The following MSRA variants were observed in gnomAD, a reference collection of about 807,000 sequenced individuals.
MSRA encodes the protein methionine sulfoxide reductase A, also known as mitochondrial peptide methionine sulfoxide reductase.
In MSRA, 54 loss-of-function variants were observed where a neutral mutation model predicts 31.3. The observed-to-expected ratio is 1.73, with a 90% confidence interval of 1.39 to 2.17. The LOEUF (loss-of-function observed/expected upper bound fraction) is 2.17, where lower values mean the gene tolerates loss of function less well. Ranked by LOEUF, MSRA falls within the 30% of genes most tolerant of loss-of-function variation. The probability of loss-of-function intolerance (pLI) is 0.00; values close to 1 mark genes in which losing one functional copy is unlikely to be tolerated. For missense variants in MSRA, 507 were observed against 300.9 expected, an observed-to-expected ratio of 1.69 and a Z score of -5.07; for synonymous variants, 169 against 116.5, an observed-to-expected ratio of 1.45 and a Z score of -2.90.
rs188881344 is a variant in MSRA at position 10,109,611 on chromosome 8, G to C, written c.142+54953G>C. On this transcript the variant is annotated intron_variant, in intron 1 of 5. Transcript: ENST00000317173. ...CCCATCTTGGCCTCCCAAAGTGCTG[G>C]AATTATAGGTGTACGCCACTGTGCC... Among the ~76,000 whole-genome samples the C allele has an allele frequency of 3.2e-3, 483 of 152,252 alleles. 1 individual carries two copies. Among genetic ancestry groups the C allele is most frequent in the Non-Finnish European group, 5.3e-3 (358 of 68,000 alleles).
chr8:10,280,324 T>G (rs1028378490), intron 3 of MSRA, among the ~76,000 whole-genome samples: 3 of 151,594 alleles, frequency 2.0e-5, no homozygotes, highest in Non-Finnish European at 2.9e-5. Flanking sequence ...TCTTTTTAAC[T>G]TATTTTGTTG....
chr8:10,372,036 A>G (rs1031370978), intron 5 of MSRA, among the ~76,000 whole-genome samples: 3 of 152,246 alleles, frequency 2.0e-5, no homozygotes, highest in Non-Finnish European at 2.9e-5. Context: ...TTGATGCCAT[A>G]TAATCTTAAG....
Position 10,428,463 on chromosome 8 carries a change from G to T in MSRA, c.*151G>T. 1 of 783,244 alleles carries T rather than the reference G, an allele frequency of 1.3e-6. No individual in the cohort carries two copies. Among genetic ancestry groups the T allele is most frequent in the South Asian group, 1.7e-5 (1 of 58,358 alleles). The allele number at this position is 783,244 out of a possible 1,614,324, so 48.5% of individuals were successfully genotyped here. On this transcript the variant is annotated 3_prime_UTR_variant, in exon 6 of 6. Coordinates refer to ENST00000317173, the MANE Select transcript of MSRA (RefSeq NM_012331.5). The stretch of plus-strand genomic sequence containing the variant: ...GGGTTTACCGAAGTATAATCTATAG[G>T]AGGCGCGATGGCAAGTTGATAAAAT...
chr8:10,347,012 A>G (rs1266521533), intron 5 of MSRA, among the ~76,000 whole-genome samples: 1 of 152,082 alleles, frequency 6.6e-6, no homozygotes, highest in Non-Finnish European at 1.5e-5. Flanking sequence ...GTCCTCACAG[A>G]CCCTCTTTCC....
At chr8:10,146,746 A>G (rs528675408) in intron 1 of MSRA, among the ~76,000 whole-genome samples, 1 of 152,256 alleles carries the variant, frequency 6.6e-6, no homozygotes, top group South Asian at 2.1e-4. Flanking sequence ...ATGAAATCAC[A>G]CTTTCTGGGC....
At chr8:10,387,384 G>A (rs571516317) in intron 5 of MSRA, among the ~76,000 whole-genome samples, 9 of 152,292 alleles carry the variant, frequency 5.9e-5, no homozygotes, top group East Asian at 1.9e-4. Context: ...ATCAACAGGA[G>A]AAAAGGCATA....
chr8:10,113,101 G>A (rs1404044666), intron 1 of MSRA, among the ~76,000 whole-genome samples: 2 of 151,920 alleles, frequency 1.3e-5, no homozygotes, highest in Admixed American at 6.6e-5. Flanking sequence ...TCTTGTTCAT[G>A]GTTTTATCCT....
At chr8:10,422,180 A>G (rs1046134257) in intron 5 of MSRA, among the ~76,000 whole-genome samples, 3 of 152,106 alleles carry the variant, frequency 2.0e-5, no homozygotes, top group African/African-American at 4.8e-5. Context: ...GCTTTTCTGG[A>G]GGGGCTGAGG....
chr8:10,251,835 G>A (rs1354448592), intron 3 of MSRA, among the ~76,000 whole-genome samples: 2 of 150,876 alleles, frequency 1.3e-5, no homozygotes, highest in African/African-American at 4.9e-5. Context: ...CTCTACCATC[G>A]GCACCCCTCT....
chr8:10,349,627 C>T (rs1804000694), intron 5 of MSRA, among the ~76,000 whole-genome samples: 1 of 152,220 alleles, frequency 6.6e-6, no homozygotes, highest in Admixed American at 6.5e-5. Flanking sequence ...ATGAGGAAGA[C>T]CCTGTCTGAG....
In MSRA at chr8:10,074,058, C is replaced by CTTTTTTTTTTTTTTTTTT. The variant is rs534642712; in HGVS notation, c.142+19423_142+19440dup. Reference sequence around the variant, plus strand: ...CATTTTGTTTTGTCTAAGGGAGGTGCTTTTTTTTTTTTTTTTTTTTTTTTT... The same window carrying CTTTTTTTTTTTTTTTTTT: ...CATTTTGTTTTGTCTAAGGGAGGTGCTTTTTTTTTTTTTTTTTTTTTTTTTTTTTTTTTTTTTTTTTTT... On this transcript the variant is annotated intron_variant, in intron 1 of 5. Coordinates refer to ENST00000317173, the MANE Select transcript of MSRA (RefSeq NM_012331.5). 3.1e-4 allele frequency among the ~76,000 whole-genome samples: 9 copies of CTTTTTTTTTTTTTTTTTT among 29,454 alleles called. 2 individuals are homozygous for CTTTTTTTTTTTTTTTTTT. The highest frequency in any genetic ancestry group is 4.3e-4 in the Non-Finnish European group (7 of 16,366). 19.3% of individuals were successfully genotyped at this position (29,454 alleles called of 152,430 possible).
intron 1 of MSRA, among the ~76,000 whole-genome samples, chr8:10,171,472 G>T (rs59983936): frequency 6.7e-6 from 1 of 150,282 alleles, no homozygotes; most frequent in African/African-American, 2.5e-5. Context: ...TTTAGTTTCC[G>T]TGAGAGAAAA....
intron 1 of MSRA, among the ~76,000 whole-genome samples, chr8:10,079,616 C>A (rs555389721): frequency 2.9e-4 from 44 of 152,304 alleles, no homozygotes; most frequent in African/African-American, 9.9e-4. Context: ...GGATCTCTTT[C>A]CTTCCCCGCA....
At chr8:10,236,566 A>G (rs1024812587) in intron 2 of MSRA, among the ~76,000 whole-genome samples, 6 of 152,222 alleles carry the variant, frequency 3.9e-5, no homozygotes, top group Admixed American at 1.3e-4. Flanking sequence ...TTTTCTTGCG[A>G]TGGAGTCTCA....
chr8:10,127,271 C>T (rs1801570870), intron 1 of MSRA, among the ~76,000 whole-genome samples: 1 of 152,146 alleles, frequency 6.6e-6, no homozygotes, highest in Non-Finnish European at 1.5e-5. Flanking sequence ...TACTCAGGGT[C>T]ATCGCCAAGG....
intron 3 of MSRA, among the ~76,000 whole-genome samples, chr8:10,258,909 C>T (rs1265241054): frequency 6.6e-6 from 1 of 152,132 alleles, no homozygotes; most frequent in Non-Finnish European, 1.5e-5. Context: ...GAGTTTGAGA[C>T]CAGCCTGGCC....
At chr8:10,103,578 T>C (rs1209491997) in intron 1 of MSRA, among the ~76,000 whole-genome samples, 5 of 152,316 alleles carry the variant, frequency 3.3e-5, no homozygotes, top group Admixed American at 6.5e-5. Context: ...ATTTAGCTGA[T>C]AGGTATCATA....
intron 5 of MSRA, chr8:10,337,731 C>T: frequency 1.4e-6 from 1 of 702,670 alleles, no homozygotes; most frequent in South Asian, 1.5e-5. Flanking sequence ...TGTTCTTCCT[C>T]AGCCATGCTG....
At chr8:10,058,412 T>G (rs1254211112) in intron 1 of MSRA, among the ~76,000 whole-genome samples, 2 of 152,188 alleles carry the variant, frequency 1.3e-5, no homozygotes, top group East Asian at 3.8e-4. Flanking sequence ...TAAAATAAAC[T>G]TTAAAACTTT....
Sources: gnomAD v4.1 joint callset for allele counts (sites outside exome capture counted in the v4.1 genomes callset) on GRCh38, gnomAD v4.1.1 for gene constraint, MANE v1.5 for transcripts, NCBI Gene and HGNC (gene_info 2026-07-23, HGNC 2026-07-21) for gene names.